DST: variants seen among roughly 807,000 people sequenced by gnomAD.
DST encodes dystonin, also known as bullous pemphigoid antigen.
In DST, 253 loss-of-function variants were observed where a neutral mutation model predicts 875.2. The ratio of observed to expected loss-of-function variants is 0.29; its 90% CI spans 0.26 to 0.32. The LOEUF (loss-of-function observed/expected upper bound fraction) is 0.32, where lower values mean the gene tolerates loss of function less well. Ranked by LOEUF, DST falls within the 10% of genes least tolerant of loss-of-function variation. The pLI, the probability that DST is intolerant of heterozygous loss-of-function variation, is 1.00. For missense variants in DST, 8,287 were observed against 9,111.6 expected (o/e 0.91, Z 3.68); for synonymous variants, 3,124 against 3,197.1 (o/e 0.98, Z 0.77).
chr6:56,482,862 ACTCTTTTT>A lies in DST; in HGVS notation c.21215_21222del (p.Gln7072LeufsTer25). 6.4e-7 allele frequency: 1 copy of A among 1,550,480 alleles called. No individual in the cohort carries two copies. The highest frequency in any genetic ancestry group is 8.7e-7 in the Non-Finnish European group (1 of 1,148,146). On this transcript the variant is annotated frameshift_variant, in exon 89 of 104. Coordinates refer to ENST00000680361, the MANE Select transcript of DST (RefSeq NM_001374736.1). LOFTEE classifies it high-confidence loss of function. ...TGCACACTGCTGGTCCTCTTCCCCA[ACTCTTTTT>A]GGAAGGCCTAAGAAGACCATATTTT...
At chr6:56,619,971 C>T (rs916801391) in intron 36 of DST, 1 of 1,614,056 alleles carries the variant, frequency 6.2e-7, no homozygotes, top group East Asian at 2.2e-5. Flanking sequence ...TTGTCATGTT[C>T]TTGCTGGAGA....
At chr6:56,493,357 G>A (rs1209418162) in intron 83 of DST, among the ~76,000 whole-genome samples, 1 of 151,984 alleles carries the variant, frequency 6.6e-6, no homozygotes, top group Admixed American at 6.6e-5. Context: ...ATTAACCAAA[G>A]AACACAATTA....
At chr6:56,703,467 T>G (rs1455361346) in intron 7 of DST, among the ~76,000 whole-genome samples, 181 bp downstream of exon 7, 1 of 152,220 alleles carries the variant, frequency 6.6e-6, no homozygotes, top group Admixed American at 6.5e-5. Context: ...GAAGATAATT[T>G]AAAGAGAAAA....
At chr6:56,519,290 T>C (rs980886830) in intron 69 of DST, among the ~76,000 whole-genome samples, 5 of 152,094 alleles carry the variant, frequency 3.3e-5, no homozygotes, top group Non-Finnish European at 4.4e-5. Context: ...CAATAACCAC[T>C]CTATTCCAAC....
chr6:56,664,716 T>C (rs963410949), intron 10 of DST, among the ~76,000 whole-genome samples: 1 of 152,168 alleles, frequency 6.6e-6, no homozygotes, highest in African/African-American at 2.4e-5. Flanking sequence ...TTAGGGGCAA[T>C]AGTAAGGCTT....
rs1434161551 is a variant in DST, at chr6:56,578,904, C to T, written c.12937G>A (p.Ala4313Thr). Residue 4313 changes from alanine (A) to threonine (T), a missense_variant, in exon 50 of 104, where the codon GCT becomes ACT. By Grantham distance (58) the Ala-to-Thr change is moderately conservative. Around this residue, in one of 10 missense-constraint regions of DST, gnomAD observed 1,513 missense variants for 1,677.8 expected, o/e 0.90. Coordinates refer to ENST00000680361, the MANE Select transcript of DST (RefSeq NM_001374736.1). ...GCCGTTTTCTTCAGTTTCTCTACAG[C>T]AACCTGCTGACTTGATATCTGTCCT... is the stretch of plus-strand genomic sequence containing the variant. ...LQGQISSQQV[A>T]VEKLKKTAEV... 6.2e-7 allele frequency: 1 copy of T among 1,603,542 alleles called. No individual in the cohort carries two copies. The highest frequency in any genetic ancestry group is 8.5e-7 in the Non-Finnish European group (1 of 1,174,594).
intron 3 of DST, among the ~76,000 whole-genome samples, chr6:56,872,830 C>CCCCCG (rs1777928439): frequency 7.7e-6 from 1 of 130,240 alleles, no homozygotes; most frequent in African/African-American, 2.8e-5. Flanking sequence ...ATTCCCCCCC[C>CCCCCG]CCTTTTTTTT....
At chr6:56,560,446 A>G (rs755119526) in intron 57 of DST, 23 bp from the exon 58 acceptor site, 42 of 1,571,626 alleles carry the variant, frequency 2.7e-5, no homozygotes, top group Non-Finnish European at 3.6e-5. Flanking sequence ...AAATAATAAT[A>G]AATCATGTGT....
intron 8 of DST, among the ~76,000 whole-genome samples, chr6:56,701,117 T>G (rs967498780): frequency 6.6e-6 from 1 of 151,768 alleles, no homozygotes; most frequent in Non-Finnish European, 1.5e-5. Flanking sequence ...AGTGCTGAGA[T>G]TACTGGCATG....
chr6:56,604,053 C>T lies in DST; in HGVS notation c.10575G>A (p.Lys3525=). 1 of 1,586,578 alleles carries T rather than the reference C, an allele frequency of 6.3e-7. No individual in the cohort carries two copies. Among genetic ancestry groups the T allele is most frequent in the Non-Finnish European group, 8.6e-7 (1 of 1,164,196 alleles). ...TTTTAATATCACCAAGAATATGTGG[C>T]TTTTCTTCCATCATCTCAGATGTAG... ...ACSTSEMMEE[K]PHILGDIKSK... The change falls in exon 40 of 104, where the codon AAG becomes AAA. Residue 3525 remains lysine (K), a synonymous_variant. Coordinates refer to ENST00000680361, the MANE Select transcript of DST (RefSeq NM_001374736.1).
In DST at chr6:56,606,103, G is replaced by A. The variant is rs752042606; in HGVS notation, c.8525C>T (p.Ser2842Phe). Residue 2842 changes from serine (S) to phenylalanine (F), a missense_variant, in exon 40 of 104, where the codon TCT (serine) becomes TTT (phenylalanine). By Grantham distance (155) the Ser-to-Phe change is radical. Around this residue, in one of 10 missense-constraint regions of DST, gnomAD observed 3,138 missense variants for 3,116.6 expected, o/e 1.01. Transcript: ENST00000680361. ...AEDMDIQLCA[S>F]ILNENSDENE... is the part of the protein sequence containing the mutation. ...TTCATCACTGTTTTCATTTAAAATAGAGGCACACAACTGGATATCCATATC... is the reference window on the plus strand; with the variant it reads ...TTCATCACTGTTTTCATTTAAAATAAAGGCACACAACTGGATATCCATATC... 1.9e-6 allele frequency: 3 copies of A among 1,612,736 alleles called. No individual in the cohort carries two copies. The highest frequency in any genetic ancestry group is 3.3e-5 in the Admixed American group (2 of 59,812).
chr6:56,673,293 A>G (rs1009029549), intron 9 of DST, among the ~76,000 whole-genome samples: 4 of 152,120 alleles, frequency 2.6e-5, no homozygotes, highest in African/African-American at 7.2e-5. Flanking sequence ...ATAAAAGAAA[A>G]GAAAAAGTTG....
In DST at chr6:56,722,368, G is replaced by GTTATTTA. The variant is rs1554672068; in HGVS notation, c.687+12859_687+12860insTAAATAA. The stretch of plus-strand genomic sequence containing the variant: ...TTGACAATAAAAGTAGTACATGTTT[G>GTTATTTA]TTTATTTATTTATTTATTTATTTAT... On this transcript the variant is annotated intron_variant, in intron 5 of 103. Transcript: ENST00000680361. Among the ~76,000 whole-genome samples, 306 of 150,708 alleles carry GTTATTTA rather than the reference G, an allele frequency of 2.0e-3. 2 individuals carry two copies. Among genetic ancestry groups the GTTATTTA allele is most frequent in the African/African-American group, 6.7e-3 (274 of 41,044 alleles).
At chr6:56,892,449 A>G (rs1339643610) in intron 3 of DST, among the ~76,000 whole-genome samples, 1 of 151,680 alleles carries the variant, frequency 6.6e-6, no homozygotes, top group Non-Finnish European at 1.5e-5. Context: ...CAGCCTCTCA[A>G]GTAGCTGGGA....
intron 37 of DST, among the ~76,000 whole-genome samples, 186 bp from the exon 38 acceptor site, chr6:56,611,782 G>A (rs551672361): frequency 8.1e-4 from 124 of 152,236 alleles, no homozygotes; most frequent in Non-Finnish European, 1.1e-3. Flanking sequence ...TTTAGAATCC[G>A]TAAGGAAAGC....
At chr6:56,595,883 A>C (rs2098372060) in intron 47 of DST, among the ~76,000 whole-genome samples, 1 of 151,328 alleles carries the variant, frequency 6.6e-6, no homozygotes, top group Non-Finnish European at 1.5e-5. Context: ...ACAGATGAGG[A>C]CTCTTAGGCT....
At chr6:56,691,883 T>C (rs1239766163) in intron 9 of DST, among the ~76,000 whole-genome samples, 2 of 152,200 alleles carry the variant, frequency 1.3e-5, no homozygotes, top group Non-Finnish European at 2.9e-5. Context: ...AGCAATTATG[T>C]GAATGTTTCT....
chr6:56,612,796 A>T (rs186707541), intron 37 of DST, among the ~76,000 whole-genome samples: 1 of 152,338 alleles, frequency 6.6e-6, no homozygotes, highest in East Asian at 1.9e-4. Flanking sequence ...TTAAGAATGT[A>T]TCTAGGGTAC....
rs750594473 is a variant in DST, at chr6:56,477,492, C to T, written c.21532-4G>A. On this transcript the variant is annotated splice_polypyrimidine_tract_variant and splice_region_variant and intron_variant, in intron 90 of 103. Transcript: ENST00000680361. The stretch of plus-strand genomic sequence containing the variant: ...CTTCCAGTTTCTTCATGAATTCCTA[C>T]AGCAGAAACAAAGACTTCAATTAAC... 2 of 1,613,874 alleles carry T rather than the reference C, an allele frequency of 1.2e-6. No homozygotes were observed. The highest frequency in any genetic ancestry group is 1.1e-5 in the South Asian group (1 of 91,070).
Sources: gnomAD v4.1 joint callset for allele counts (sites outside exome capture counted in the v4.1 genomes callset) on GRCh38, gnomAD v4.1.1 for gene constraint, gnomAD v4.1.1 regional missense constraint, MANE v1.5 for transcripts, NCBI Gene and HGNC (gene_info 2026-07-23, HGNC 2026-07-21) for gene names.